BTD: variants seen among roughly 807,000 people sequenced by gnomAD.
BTD encodes the protein biocytinase.
In BTD, 13 loss-of-function variants were observed where a neutral mutation model predicts 17.7. The ratio of observed to expected loss-of-function variants is 0.74; its 90% CI spans 0.48 to 1.17. The LOEUF is 1.17. Among genes scored for constraint, BTD ranks in the 50% most tolerant of loss-of-function variants. The probability of loss-of-function intolerance (pLI) is 0.00; values close to 1 mark genes in which losing one functional copy is unlikely to be tolerated. For missense variants in BTD, 674 were observed against 650.4 expected, an observed-to-expected ratio of 1.04 and a Z score of -0.39; for synonymous variants, 240 against 245.2, an observed-to-expected ratio of 0.98 and a Z score of 0.20.
intron 2 of BTD, among the ~76,000 whole-genome samples, chr3:15,636,635 A>C (rs1433717822): frequency 6.6e-6 from 1 of 152,192 alleles, no homozygotes; most frequent in Non-Finnish European, 1.5e-5. Flanking sequence ...GTGAACTTAA[A>C]GGGCAGAACC....
intron 4 of BTD, among the ~76,000 whole-genome samples, chr3:15,718,705 G>A (rs1028417732): frequency 6.6e-6 from 1 of 152,134 alleles, no homozygotes; most frequent in East Asian, 1.9e-4. Flanking sequence ...AGTAGCTGAC[G>A]ACACAGGTAA....
chr3:15,606,120 CTTG>C (rs2064447061), intron 1 of BTD, among the ~76,000 whole-genome samples: 2 of 151,326 alleles, frequency 1.3e-5, no homozygotes, highest in East Asian at 1.9e-4. Flanking sequence ...GCCTCCTGTC[CTTG>C]TTGAAGAAGT....
intron 1 of BTD, chr3:15,631,353 AT>A: frequency 6.8e-6 from 7 of 1,027,696 alleles, no homozygotes; most frequent in Admixed American, 2.8e-5. Flanking sequence ...TCTTTTAAAG[AT>A]TTTTTAATGT....
chr3:15,714,491 C>A (rs1575335635), downstream of BTD: 1 of 937,356 alleles, frequency 1.1e-6, no homozygotes. Context: ...ATGACAATTC[C>A]TCAATACCAT....
chr3:15,702,516 G>A (rs1380133548), intron 3 of BTD, among the ~76,000 whole-genome samples: 1 of 152,134 alleles, frequency 6.6e-6, no homozygotes, highest in African/African-American at 2.4e-5. Context: ...ACAATATTCT[G>A]TTACAATTTT....
In BTD at chr3:15,646,444, G is replaced by T. The variant is rs779368748; in HGVS notation, c.*956G>T. On this transcript the variant is annotated 3_prime_UTR_variant, in exon 4 of 4. Transcript: ENST00000643237. ...ATAGAGATAAGTTGCAGGGACTGCC[G>T]TGAAGGGCATGAAGGGTGGCCCACT... is the stretch of plus-strand genomic sequence containing the variant. 2 of 152,238 alleles carry T rather than the reference G, an allele frequency of 1.3e-5. No homozygotes were observed. Among genetic ancestry groups the T allele is most frequent in the African/African-American group, 4.8e-5 (2 of 41,456 alleles). 9.4% of individuals were successfully genotyped at this position (152,238 alleles called of 1,614,324 possible).
intron 3 of BTD, among the ~76,000 whole-genome samples, chr3:15,660,897 T>A (rs1446399391): frequency 6.6e-6 from 1 of 152,132 alleles, no homozygotes; most frequent in East Asian, 1.9e-4. Flanking sequence ...GGTTTAAGTA[T>A]GTTTAGTTTT....
intron 1 of BTD, among the ~76,000 whole-genome samples, chr3:15,630,915 C>G (rs1244565513): frequency 6.6e-6 from 1 of 152,042 alleles, no homozygotes. Context: ...AGGGGCCGGT[C>G]ACGGACAAGC....
chr3:15,631,815 C>T (rs1159876560), intron 1 of BTD, among the ~76,000 whole-genome samples: 1 of 152,192 alleles, frequency 6.6e-6, no homozygotes, highest in Admixed American at 6.5e-5. Flanking sequence ...ACTGGGGAGT[C>T]ACTGGAAGAG....
At chr3:15,639,640 C>A (rs2065446400) in intron 2 of BTD, among the ~76,000 whole-genome samples, 2 of 152,026 alleles carry the variant, frequency 1.3e-5, no homozygotes, top group Non-Finnish European at 2.9e-5. Flanking sequence ...TAAACAGTAC[C>A]CTAGTATAAT....
intron 3 of BTD, among the ~76,000 whole-genome samples, chr3:15,662,444 G>A (rs2065933868): frequency 6.6e-6 from 1 of 152,146 alleles, no homozygotes; most frequent in Admixed American, 6.5e-5. Context: ...ATTGATTTTT[G>A]TATATGAACC....
At position 15,669,884 on chromosome 3, in the gene BTD, CT is replaced by C. The variant is rs532581885; in HGVS notation, c.399+27830del. ...GCCTACTGTACCAAACTTTTATTGC[CT>C]TTAAATTTAGTTGTAATTTTATTGA... On this transcript the variant is annotated intron_variant, in intron 3 of 3. Transcript: ENST00000672141. 471 of 165,948 alleles carry C rather than the reference CT, an allele frequency of 2.8e-3. 3 individuals carry two copies. Among genetic ancestry groups the C allele is most frequent in the African/African-American group, 0.011 (461 of 41,786 alleles). 10.3% of individuals were successfully genotyped at this position (165,948 alleles called of 1,614,324 possible).
intron 1 of BTD, among the ~76,000 whole-genome samples, chr3:15,613,534 TCTC>T (rs2064697917): frequency 6.6e-6 from 1 of 151,712 alleles, no homozygotes; most frequent in African/African-American, 2.4e-5. Context: ...CTCCTTACCT[TCTC>T]CTCTTCTCCT....
chr3:15,712,318 A>AGGG (rs2072417547), exon 4 of BTD: 3 of 973,760 alleles, frequency 3.1e-6, no homozygotes, highest in Non-Finnish European at 4.7e-6. Context: ...GTGAAAGATA[A>AGGG]CTAAGAGCCA....
At chr3:15,641,080 C>A (rs1297112029) in intron 2 of BTD, among the ~76,000 whole-genome samples, 2 of 152,156 alleles carry the variant, frequency 1.3e-5, no homozygotes, top group Non-Finnish European at 2.9e-5. Context: ...ATGCCCCAGC[C>A]CTGAGAGCTG....
intron 1 of BTD, among the ~76,000 whole-genome samples, chr3:15,611,034 G>A (rs1019672667): frequency 3.3e-5 from 5 of 150,726 alleles, no homozygotes; most frequent in South Asian, 2.1e-4. Flanking sequence ...TTTTTTTAGC[G>A]TAAGTATGTT....
intron 3 of BTD, among the ~76,000 whole-genome samples, chr3:15,662,663 C>T (rs1194200879): frequency 6.6e-6 from 1 of 152,018 alleles, no homozygotes; most frequent in Non-Finnish European, 1.5e-5. Context: ...GGGGGCCATC[C>T]ATGTCTTGTT....
intron 3 of BTD, among the ~76,000 whole-genome samples, chr3:15,704,893 A>T (rs1411226330): frequency 6.6e-6 from 1 of 152,212 alleles, no homozygotes; most frequent in Non-Finnish European, 1.5e-5. Context: ...TGGGATTTTG[A>T]TACTTAATAA....
intron 3 of BTD, among the ~76,000 whole-genome samples, chr3:15,699,689 T>C (rs2070257327): frequency 6.6e-6 from 1 of 152,098 alleles, no homozygotes; most frequent in African/African-American, 2.4e-5. Context: ...AATGAGACAC[T>C]ATCTCACGCC....
Sources: gnomAD v4.1 joint callset for allele counts (sites outside exome capture counted in the v4.1 genomes callset) on GRCh38, gnomAD v4.1.1 for gene constraint, MANE v1.5 for transcripts, NCBI Gene and HGNC (gene_info 2026-07-23, HGNC 2026-07-21) for gene names.